The following SFMBT2 variants were observed in gnomAD, a reference collection of about 807,000 sequenced individuals.
SFMBT2 encodes the protein Scm like with four mbt domains 2, also known as scm-like with four MBT domains protein 2.
In SFMBT2, 38 loss-of-function variants were observed where a neutral mutation model predicts 110.1. The observed-to-expected ratio is 0.35, with a 90% confidence interval of 0.27 to 0.45. The LOEUF (loss-of-function observed/expected upper bound fraction) is 0.45. Ranked by LOEUF, SFMBT2 falls within the 20% of genes least tolerant of loss-of-function variation. SFMBT2 has a pLI of 1.00. For synonymous variants in SFMBT2, 425 were observed against 425.4 expected (o/e 1.00, Z 0.01); for missense variants, 1,011 against 1,094.9 (o/e 0.92, Z 1.08).
intron 5 of SFMBT2, chr10:7,285,328 T>C (rs1280766303): frequency 6.6e-6 from 1 of 152,304 alleles, no homozygotes; most frequent in East Asian, 1.9e-4. Flanking sequence ...TACATTAAAA[T>C]TTCCTTGGCT....
intron 6 of SFMBT2, among the ~76,000 whole-genome samples, chr10:7,282,223 T>C (rs569179155): frequency 6.6e-6 from 1 of 152,262 alleles, no homozygotes; most frequent in South Asian, 2.1e-4. Context: ...CCAAATTATC[T>C]AAAGAGGGAG....
Position 7,171,156 on chromosome 10 carries a change from C to G in SFMBT2, c.2416-100G>C. On this transcript the variant is annotated intron_variant, in intron 19 of 20. Coordinates refer to ENST00000397167, the MANE Select transcript of SFMBT2 (RefSeq NM_001387889.1). The surrounding 1 kb of genome is among the most constrained non-coding windows in gnomAD (Gnocchi z 4.9). ...CTCGGCCGTTCCTGGCCGGAAGCCACTGCCTCCCTTTGCTCCCTCACTGGG... is the reference window on the plus strand; with the variant it reads ...CTCGGCCGTTCCTGGCCGGAAGCCAGTGCCTCCCTTTGCTCCCTCACTGGG... 6.3e-7 allele frequency: 1 copy of G among 1,580,978 alleles called. No individual in the cohort carries two copies. Among genetic ancestry groups the G allele is most frequent in the Non-Finnish European group, 8.6e-7 (1 of 1,161,206 alleles).
chr10:7,300,240 C>G (rs1013716051), intron 4 of SFMBT2, among the ~76,000 whole-genome samples: 1 of 150,828 alleles, frequency 6.6e-6, no homozygotes, highest in Admixed American at 6.6e-5. Context: ...CACCATGGCA[C>G]ACATAACCTA....
At chr10:7,214,208 G>C (rs2762588) in intron 11 of SFMBT2, among the ~76,000 whole-genome samples, 5 of 152,298 alleles carry the variant, frequency 3.3e-5, no homozygotes, top group African/African-American at 1.2e-4. Flanking sequence ...TTCTTAACAA[G>C]AGGTTAAGAA....
At chr10:7,400,473 G>T (rs1002755371) in intron 1 of SFMBT2, among the ~76,000 whole-genome samples, 5 of 152,170 alleles carry the variant, frequency 3.3e-5, no homozygotes, top group Non-Finnish European at 5.9e-5. Context: ...GTAGATTAGG[G>T]AGAAGGCGAG....
At chr10:7,328,204 G>A (rs532304588) in intron 4 of SFMBT2, among the ~76,000 whole-genome samples, 1 of 152,186 alleles carries the variant, frequency 6.6e-6, no homozygotes, top group African/African-American at 2.4e-5. Context: ...GCTCTAATTT[G>A]CAATTCTCTA....
chr10:7,384,365 G>A (rs1015933664), intron 1 of SFMBT2, among the ~76,000 whole-genome samples: 9 of 152,042 alleles, frequency 5.9e-5, no homozygotes, highest in Non-Finnish European at 1.0e-4. Context: ...CCCTCTAGAT[G>A]CCTAAATCTA....
chr10:7,172,687 T>C lies in SFMBT2; in HGVS notation c.1985-26A>G, dbSNP rs41306816. ...CTGTAGGAAGGAAGATGAGAAACTT[T>C]TGAAGGCTATACACACACACAGACA... On this transcript the variant is annotated intron_variant, in intron 17 of 20. Transcript: ENST00000397167. The surrounding 1 kb of genome is among the most constrained non-coding windows in gnomAD (Gnocchi z 4.6). 1.7e-4 allele frequency: 269 copies of C among 1,603,416 alleles called. No individual in the cohort carries two copies. The highest frequency in any genetic ancestry group is 2.2e-4 in the Non-Finnish European group (261 of 1,173,708).
At chr10:7,183,547 A>G (rs1564371161) in intron 16 of SFMBT2, among the ~76,000 whole-genome samples, 1 of 152,312 alleles carries the variant, frequency 6.6e-6, no homozygotes, top group East Asian at 1.9e-4. Context: ...TGGAGCTCCC[A>G]TTATCTGCTG....
At chr10:7,312,285 G>T (rs565045099) in intron 4 of SFMBT2, among the ~76,000 whole-genome samples, 3 of 152,154 alleles carry the variant, frequency 2.0e-5, no homozygotes, top group Admixed American at 6.5e-5. Flanking sequence ...GAGTAGTAAC[G>T]GCATCAACAG....
chr10:7,197,935 G>T, intron 14 of SFMBT2: 1 of 963,422 alleles, frequency 1.0e-6, no homozygotes, highest in Non-Finnish European at 1.2e-6. Context: ...TGACAAAGCA[G>T]CAGAGAAAAA....
chr10:7,242,926 T>C (rs907531259), intron 9 of SFMBT2, among the ~76,000 whole-genome samples: 12 of 152,212 alleles, frequency 7.9e-5, no homozygotes, highest in African/African-American at 2.9e-4. Context: ...TACTATACCT[T>C]TATTATTCTT....
At chr10:7,246,442 C>G (rs942175628) in intron 8 of SFMBT2, among the ~76,000 whole-genome samples, 1 of 149,210 alleles carries the variant, frequency 6.7e-6, no homozygotes, top group African/African-American at 2.4e-5. Flanking sequence ...TGAGAGAGGC[C>G]GGGTGCAGTG....
At chr10:7,206,929 T>C (rs570596827) in intron 11 of SFMBT2, 3 of 985,384 alleles carry the variant, frequency 3.0e-6, no homozygotes, top group Non-Finnish European at 2.4e-6. Flanking sequence ...AGAACCAAGA[T>C]GAAGATAACA....
intron 2 of SFMBT2, among the ~76,000 whole-genome samples, chr10:7,377,926 A>T (rs1247834312): frequency 8.1e-6 from 1 of 123,420 alleles, no homozygotes; most frequent in Non-Finnish European, 1.6e-5. Context: ...ACAACAAAGA[A>T]TCTAAGTTGT....
intron 4 of SFMBT2, among the ~76,000 whole-genome samples, chr10:7,302,514 T>TATG (rs1842581232): frequency 6.6e-6 from 1 of 152,178 alleles, no homozygotes; most frequent in African/African-American, 2.4e-5. Context: ...CAGGGGAAGT[T>TATG]CCTAAACATG....
intron 7 of SFMBT2, among the ~76,000 whole-genome samples, chr10:7,255,657 C>T (rs1332923569): frequency 6.6e-6 from 1 of 152,204 alleles, no homozygotes; most frequent in Non-Finnish European, 1.5e-5. Flanking sequence ...AGCAGACTGA[C>T]GTGGTAAAAG....
At chr10:7,269,740 GTGTGTGTGTGTGTGTGTGTC>G (rs1841519473) in intron 7 of SFMBT2, among the ~76,000 whole-genome samples, 4 of 132,928 alleles carry the variant, frequency 3.0e-5, no homozygotes, top group Non-Finnish European at 6.8e-5. Flanking sequence ...GTGTGTGTGT[GTGTGTGTGTGTGTGTGTGTC>G]TCTTTTTGGA....
chr10:7,286,859 G>A (rs1464507838), intron 4 of SFMBT2, among the ~76,000 whole-genome samples: 3 of 152,050 alleles, frequency 2.0e-5, no homozygotes, highest in African/African-American at 7.2e-5. Context: ...TGAGTGGTAG[G>A]AATAAACTAT....
Sources: gnomAD v4.1 joint callset for allele counts (sites outside exome capture counted in the v4.1 genomes callset) on GRCh38, gnomAD v4.1.1 for gene constraint, Gnocchi (gnomAD v3.1) non-coding constraint, MANE v1.5 for transcripts, NCBI Gene and HGNC (gene_info 2026-07-23, HGNC 2026-07-21) for gene names.